MYO15A: variants seen among roughly 807,000 people sequenced by gnomAD.
MYO15A encodes myosin XVA, also known as unconventional myosin-XV.
Under a neutral mutation model 394.6 loss-of-function variants are expected in MYO15A, and 308 were observed. The observed-to-expected ratio is 0.78, with a 90% CI of 0.71 to 0.86. The LOEUF (loss-of-function observed/expected upper bound fraction) is 0.86, where lower values mean the gene tolerates loss of function less well. Ranked by LOEUF, MYO15A falls within the 40% of genes least tolerant of loss-of-function variation. The pLI, the probability that MYO15A is intolerant of heterozygous loss-of-function variation, is 0.00. For missense variants in MYO15A, 4,606 were observed against 4,799.1 expected (o/e 0.96, Z 1.19); for synonymous variants, 1,957 against 2,003.8 (o/e 0.98, Z 0.62).
In MYO15A at chr17:18,153,567, G is replaced by A. The variant is rs1418227445; in HGVS notation, c.7967-208G>A. 1 of 282,728 alleles carries A rather than the reference G, an allele frequency of 3.5e-6. No individual in the cohort carries two copies. The highest frequency in any genetic ancestry group is 5.9e-6 in the Non-Finnish European group (1 of 170,344). The allele number at this position is 282,728 out of a possible 1,614,324, so 17.5% of individuals were successfully genotyped here. On this transcript the variant is annotated intron_variant, in intron 42 of 65. Transcript: ENST00000647165. This position sits in a 1 kb window ranked among gnomAD's most constrained non-coding sequence, Gnocchi z 4.1. ...CAAAAAATTAGCCAGGCGTCGTGGC[G>A]GGCGCCTGTAATCCCAGCTACTCAG...
intron 33 of MYO15A, 60 bp downstream of exon 33, chr17:18,149,012 TCCCAGGCAGAAGG>T: frequency 9.7e-6 from 15 of 1,540,534 alleles, no homozygotes; most frequent in Non-Finnish European, 9.6e-6. Flanking sequence ...GGCCGGCCAC[TCCCAGGCAGAAGG>T]CCTGCCCCTC....
At chr17:18,135,453 T>C (rs1386563818) in intron 12 of MYO15A, among the ~76,000 whole-genome samples, 1 of 152,236 alleles carries the variant, frequency 6.6e-6, no homozygotes, top group African/African-American at 2.4e-5. Flanking sequence ...GCAATTCTCC[T>C]GCCTCAGCCT....
intron 65 of MYO15A, chr17:18,176,590 A>G (rs2142445422): frequency 8.4e-6 from 1 of 119,308 alleles, no homozygotes; most frequent in African/African-American, 3.3e-5. Context: ...TCTGTTGCCT[A>G]GGCTGGAGTA....
chr17:18,173,144 G>A (rs549291211), intron 64 of MYO15A, among the ~76,000 whole-genome samples: 9 of 152,288 alleles, frequency 5.9e-5, no homozygotes, highest in Non-Finnish European at 1.3e-4. Context: ...AGACAGACTA[G>A]AGCTTTCCTT....
intron 25 of MYO15A, among the ~76,000 whole-genome samples, chr17:18,143,160 T>C (rs1429266766): frequency 6.6e-6 from 1 of 152,154 alleles, no homozygotes; most frequent in African/African-American, 2.4e-5. Flanking sequence ...TACCTTCATG[T>C]CTTGACCCAC....
At chr17:18,158,268 G>A in intron 51 of MYO15A, 2 of 591,550 alleles carry the variant, frequency 3.4e-6, no homozygotes, top group South Asian at 4.0e-5. Flanking sequence ...CAGCTGTGAC[G>A]TGGCAGTTGC....
intron 8 of MYO15A, 84 bp downstream of exon 8, chr17:18,130,894 A>C: frequency 7.8e-7 from 1 of 1,285,198 alleles, no homozygotes; most frequent in Non-Finnish European, 1.0e-6. Flanking sequence ...ATGCGTGTGG[A>C]TGTGCCTGCT....
intron 1 of MYO15A, among the ~76,000 whole-genome samples, chr17:18,118,371 G>C (rs916491502): frequency 6.6e-6 from 1 of 152,182 alleles, no homozygotes; most frequent in African/African-American, 2.4e-5. Flanking sequence ...CCATCTCTGT[G>C]GCTCAATGTC....
chr17:18,121,451 A>C lies in MYO15A; in HGVS notation c.2651A>C (p.Lys884Thr), dbSNP rs1332597256. Residue 884 changes from lysine (K) to threonine (T), a missense_variant, in exon 2 of 66, where the codon AAG becomes ACG. By Grantham distance (78) the Lys-to-Thr change is moderately conservative. Around this residue, in one of 2 missense-constraint regions of MYO15A, gnomAD observed 1,830 missense variants for 1,689.7 expected, o/e 1.08. Transcript: ENST00000647165. The surrounding 1 kb of genome is among the most constrained non-coding windows in gnomAD (Gnocchi z 5.3). Reference protein sequence around the residue: ...RLSEPPTRAVKPQVRLPFHRP... With the variant: ...RLSEPPTRAVTPQVRLPFHRP... Reference sequence around the variant, plus strand: ...AGCGAGCCACCCACTCGGGCTGTGAAGCCGCAAGTGCGCCTGCCCTTCCAC... The same window carrying C: ...AGCGAGCCACCCACTCGGGCTGTGACGCCGCAAGTGCGCCTGCCCTTCCAC... 1.9e-6 allele frequency: 3 copies of C among 1,548,516 alleles called. No individual in the cohort carries two copies.
At chr17:18,178,735 T>C (rs924455169) in intron 65 of MYO15A, 34 bp from the exon 66 acceptor site, 2 of 1,599,308 alleles carry the variant, frequency 1.3e-6, no homozygotes, top group Non-Finnish European at 1.7e-6. Flanking sequence ...TGGGGAAGTG[T>C]TGGATGGGCG....
chr17:18,157,430 G>A, intron 50 of MYO15A, 200 bp downstream of exon 50: 3 of 912,914 alleles, frequency 3.3e-6, no homozygotes, highest in Admixed American at 4.2e-5. Flanking sequence ...GGTCTCCGTG[G>A]GCATTTCCAT....
intron 65 of MYO15A, among the ~76,000 whole-genome samples, chr17:18,174,692 C>T (rs2046989326): frequency 2.0e-5 from 3 of 152,176 alleles, no homozygotes; most frequent in Admixed American, 6.5e-5. Flanking sequence ...GCAGGACTAG[C>T]GTTTTCACCC....
At chr17:18,164,121 C>A in intron 60 of MYO15A, 1 of 490,008 alleles carries the variant, frequency 2.0e-6, no homozygotes, top group Non-Finnish European at 3.8e-6. Flanking sequence ...AGGCCGTGCC[C>A]TCAAGGAGAT....
In MYO15A at chr17:18,145,995, A is replaced by G. The variant is rs769491829; in HGVS notation, c.6397A>G (p.Asn2133Asp). The change falls in exon 30 of 66, where the codon AAT (asparagine) becomes GAT (aspartate). Residue 2133 changes from asparagine (N) to aspartate (D), a missense_variant. Asn to Asp is a conservative substitution (Grantham distance 23). Coordinates refer to ENST00000647165, the MANE Select transcript of MYO15A (RefSeq NM_016239.4). ...GGATGAGATCCTGGCACAGCTGGCC[A>G]ATCAGGTGTGGCACAATCACAATGC... is the stretch of plus-strand genomic sequence containing the variant. The part of the protein sequence containing the change: ...LRDEILAQLA[N>D]QVWHNHNAHN... 1 of 1,613,870 alleles carries G rather than the reference A, an allele frequency of 6.2e-7. No individual in the cohort carries two copies. Among genetic ancestry groups the G allele is most frequent in the East Asian group, 2.2e-5 (1 of 44,880 alleles).
Position 18,153,350 on chromosome 17 carries a change from G to A in MYO15A, c.7967-425G>A, listed in dbSNP as rs1433679252. ...ACCCTTGTGAGCAGCTGTTTCCGTG[G>A]ACTGCTCCTGGGTCCCCTCCTCCAC... On this transcript the variant is annotated intron_variant, in intron 42 of 65. Transcript: ENST00000647165. This position sits in a 1 kb window ranked among gnomAD's most constrained non-coding sequence, Gnocchi z 4.1. The A allele has an allele frequency of 6.5e-6, 1 of 153,826 alleles. No homozygotes were observed. The highest frequency in any genetic ancestry group is 1.4e-5 in the Non-Finnish European group (1 of 69,396). The allele number at this position is 153,826 out of a possible 1,614,324, so 9.5% of individuals were successfully genotyped here.
chr17:18,136,551 C>T lies in MYO15A; in HGVS notation c.4656-12C>T, dbSNP rs2046277147. 4 of 1,613,788 alleles carry T rather than the reference C, an allele frequency of 2.5e-6. No homozygotes were observed. The highest frequency in any genetic ancestry group is 3.3e-5 in the Admixed American group (2 of 60,014). On this transcript the variant is annotated splice_polypyrimidine_tract_variant and intron_variant, in intron 14 of 65. Transcript: ENST00000647165. ...CGGTGTCCTGCTCACACCAGCACCA[C>T]CTCTGCTCCAGGGACGCCATCGCCA...
chr17:18,115,890 T>C (rs2045777744), intron 1 of MYO15A, among the ~76,000 whole-genome samples: 1 of 152,204 alleles, frequency 6.6e-6, no homozygotes, highest in African/African-American at 2.4e-5. Context: ...TCCTGTTTAA[T>C]GTCACAACCC....
At chr17:18,159,184 C>T (rs769998328) in intron 53 of MYO15A, 91 bp from the exon 54 acceptor site, 6 of 1,506,498 alleles carry the variant, frequency 4.0e-6, no homozygotes, top group Non-Finnish European at 5.5e-6. Context: ...CGTGGACCCT[C>T]CTGTTATCAT....
At position 18,118,854 on chromosome 17, in the gene MYO15A, G is replaced by A. The variant is rs144909486; in HGVS notation, c.54G>A (p.Lys18=). 2.3e-3 allele frequency: 3,629 copies of A among 1,612,666 alleles called. 5 individuals carry two copies. The highest frequency in any genetic ancestry group is 2.6e-3 in the Non-Finnish European group (3,098 of 1,179,402). The stretch of plus-strand genomic sequence containing the variant: ...AAGCCAAGAAAGGGAAGAAGGGGAA[G>A]AAGGCACCGGAGCCGGAGAAGCCCA... The part of the protein sequence containing the change: ...EKKAKKGKKG[K]KAPEPEKPKR... The change falls in exon 2 of 66, where the codon AAG becomes AAA. Residue 18 remains lysine, a synonymous_variant. Coordinates refer to ENST00000647165, the MANE Select transcript of MYO15A (RefSeq NM_016239.4).
Sources: allele counts gnomAD v4.1 joint callset (sites outside exome capture counted in the v4.1 genomes callset), GRCh38; gene constraint gnomAD v4.1.1; regional missense constraint gnomAD v4.1.1; non-coding constraint Gnocchi (gnomAD v3.1); transcripts MANE v1.5; gene names NCBI Gene and HGNC (gene_info 2026-07-23, HGNC 2026-07-21).